ZMAT4: variants seen among roughly 807,000 people sequenced by gnomAD.
ZMAT4 encodes the protein zinc finger matrin-type 4, also known as zinc finger matrin-type protein 4.
A neutral mutation model predicts 28.7 loss-of-function variants in ZMAT4; 17 were observed. The ratio of observed to expected loss-of-function variants is 0.59; its 90% CI spans 0.41 to 0.89. The LOEUF (loss-of-function observed/expected upper bound fraction) is 0.89, where lower values mean the gene tolerates loss of function less well. Ranked by LOEUF, ZMAT4 falls within the 40% of genes least tolerant of loss-of-function variation. The pLI is 0.00. For synonymous variants in ZMAT4, 117 were observed against 109.2 expected (o/e 1.07, Z -0.44); for missense variants, 240 against 283.8 (o/e 0.85, Z 1.11).
At chr8:40,797,982 G>T (rs1003941232) in intron 2 of ZMAT4, among the ~76,000 whole-genome samples, 1 of 152,216 alleles carries the variant, frequency 6.6e-6, no homozygotes, top group Admixed American at 6.5e-5. Flanking sequence ...TAGGGAGGCA[G>T]TATCAGGTGT....
intron 5 of ZMAT4, among the ~76,000 whole-genome samples, chr8:40,672,477 C>T (rs1278250484): frequency 6.6e-6 from 1 of 152,160 alleles, no homozygotes; most frequent in Admixed American, 6.6e-5. Flanking sequence ...ATGCTAATCG[C>T]ATTCCATGGG....
At chr8:40,699,795 A>C (rs1178875586) in intron 3 of ZMAT4, among the ~76,000 whole-genome samples, 1 of 152,260 alleles carries the variant, frequency 6.6e-6, no homozygotes, top group Admixed American at 6.5e-5. Flanking sequence ...TTCATAAGCC[A>C]GAGCTTAATT....
intron 1 of ZMAT4, among the ~76,000 whole-genome samples, chr8:40,832,505 A>C (rs1436945344): frequency 6.6e-6 from 1 of 152,144 alleles, no homozygotes; most frequent in Non-Finnish European, 1.5e-5. Context: ...TTCTCCAGCC[A>C]GTCTGGGACC....
intron 2 of ZMAT4, among the ~76,000 whole-genome samples, chr8:40,799,116 G>A (rs1022308532): frequency 2.7e-5 from 4 of 149,388 alleles, no homozygotes; most frequent in African/African-American, 9.9e-5. Context: ...AATAGAGAGA[G>A]AGAGAGACAG....
intron 5 of ZMAT4, among the ~76,000 whole-genome samples, chr8:40,592,743 A>G (rs1234358840): frequency 6.6e-6 from 1 of 152,172 alleles, no homozygotes; most frequent in Admixed American, 6.5e-5. Context: ...ATCATTCTAA[A>G]TATTTAAAGA....
chr8:40,846,566 G>T (rs1440188466), intron 1 of ZMAT4, among the ~76,000 whole-genome samples: 1 of 152,202 alleles, frequency 6.6e-6, no homozygotes, highest in Non-Finnish European at 1.5e-5. Flanking sequence ...TTTGATAAAT[G>T]GTGAAAACTG....
intron 1 of ZMAT4, among the ~76,000 whole-genome samples, chr8:40,855,112 G>A (rs933066732): frequency 3.9e-5 from 6 of 152,058 alleles, no homozygotes; most frequent in East Asian, 1.9e-4. Flanking sequence ...GCAATCCCCC[G>A]CTGTTTGTGT....
At chr8:40,665,668 T>C (rs532745232) in intron 5 of ZMAT4, among the ~76,000 whole-genome samples, 10 of 152,180 alleles carry the variant, frequency 6.6e-5, no homozygotes, top group Non-Finnish European at 1.3e-4. Flanking sequence ...GCAAGTTTTC[T>C]ACACAAAAAA....
chr8:40,624,840 C>T (rs1806314470), intron 5 of ZMAT4, among the ~76,000 whole-genome samples: 1 of 152,202 alleles, frequency 6.6e-6, no homozygotes, highest in African/African-American at 2.4e-5. Context: ...AGGCACTGAT[C>T]CAGCCACTGA....
At chr8:40,697,056 G>T (rs1157441574) in intron 4 of ZMAT4, 189 bp downstream of exon 4, 12 of 537,838 alleles carry the variant, frequency 2.2e-5, no homozygotes, top group Non-Finnish European at 3.5e-5. Flanking sequence ...ATGAGCACCT[G>T]AAATGGTATT....
chr8:40,881,541 AG>A (rs1818254487), intron 1 of ZMAT4, among the ~76,000 whole-genome samples: 1 of 42,302 alleles, frequency 2.4e-5, no homozygotes, highest in African/African-American at 1.0e-4. Context: ...AAAGAAAGAA[AG>A]AAAGAAAGAA....
chr8:40,822,522 G>T (rs1281997316), intron 2 of ZMAT4, among the ~76,000 whole-genome samples: 1 of 152,192 alleles, frequency 6.6e-6, no homozygotes, highest in Non-Finnish European at 1.5e-5. Flanking sequence ...AGGTGTCTCT[G>T]GAGAGAAGAG....
chr8:40,674,596 T>C, intron 5 of ZMAT4, 108 bp downstream of exon 5: 1 of 913,336 alleles, frequency 1.1e-6, no homozygotes, highest in South Asian at 1.7e-5. Context: ...GAGCCTCACT[T>C]TTTCCTTAAT....
chr8:40,756,445 T>C (rs1221124296), intron 3 of ZMAT4, among the ~76,000 whole-genome samples: 4 of 127,132 alleles, frequency 3.1e-5, no homozygotes, highest in Admixed American at 1.6e-4. Flanking sequence ...TATATATATA[T>C]ATATATATAT....
chr8:40,756,826 T>C (rs1414575867), intron 3 of ZMAT4, among the ~76,000 whole-genome samples: 1 of 152,122 alleles, frequency 6.6e-6, no homozygotes, highest in East Asian at 1.9e-4. Flanking sequence ...TCATTTTACG[T>C]ACGTTTCTGT....
At chr8:40,802,020 T>TCCAACA (rs1005212088) in intron 2 of ZMAT4, among the ~76,000 whole-genome samples, 24 of 152,076 alleles carry the variant, frequency 1.6e-4, no homozygotes, top group Non-Finnish European at 2.2e-4. Context: ...TTTGACAAAA[T>TCCAACA]CCAACACCCA....
At chr8:40,772,245 C>T (rs1813416141) in intron 2 of ZMAT4, among the ~76,000 whole-genome samples, 1 of 152,226 alleles carries the variant, frequency 6.6e-6, no homozygotes, top group South Asian at 2.1e-4. Context: ...CGATCCTAGG[C>T]ATTGTGCGGG....
intron 6 of ZMAT4, among the ~76,000 whole-genome samples, chr8:40,544,499 C>T (rs573810773): frequency 1.3e-5 from 2 of 152,266 alleles, no homozygotes; most frequent in East Asian, 1.9e-4. Flanking sequence ...ATGGAACAGT[C>T]GGACGACTAG....
chr8:40,808,329 T>C (rs913705650), intron 2 of ZMAT4, among the ~76,000 whole-genome samples: 1 of 151,794 alleles, frequency 6.6e-6, no homozygotes, highest in African/African-American at 2.4e-5. Context: ...CAATAAAGAA[T>C]GTTACAGCAC....
Sources: gnomAD v4.1 joint callset for allele counts (sites outside exome capture counted in the v4.1 genomes callset) on GRCh38, gnomAD v4.1.1 for gene constraint, MANE v1.5 for transcripts, NCBI Gene and HGNC (gene_info 2026-07-23, HGNC 2026-07-21) for gene names.